Variants in MREG observed in about 807,000 individuals in gnomAD.
MREG encodes dilute suppressor protein homolog.
In MREG, 31 loss-of-function variants were observed where a neutral mutation model predicts 28.5. That is an observed-to-expected ratio of 1.09 (90% CI 0.82 to 1.47). The LOEUF is 1.47. MREG is among the 40% of genes most tolerant of loss of function. MREG has a pLI of 0.00. For missense variants in MREG, 256 were observed against 257.4 expected (o/e 0.99, Z 0.04); for synonymous variants, 106 against 95.2 (o/e 1.11, Z -0.66).
chr2:216,004,692 G>C (rs780987002), intron 1 of MREG, among the ~76,000 whole-genome samples: 24 of 152,138 alleles, frequency 1.6e-4, no homozygotes, highest in Non-Finnish European at 2.6e-4. Flanking sequence ...GTGTCTTCAA[G>C]CTCACAGACA....
At chr2:216,010,964 C>T (rs1286767250) in intron 1 of MREG, among the ~76,000 whole-genome samples, 1 of 151,656 alleles carries the variant, frequency 6.6e-6, no homozygotes, top group Non-Finnish European at 1.5e-5. Context: ...GGCGCAGTGG[C>T]CGGCACCTGT....
At chr2:215,989,295 C>A (rs1693661258) in intron 2 of MREG, among the ~76,000 whole-genome samples, 1 of 152,056 alleles carries the variant, frequency 6.6e-6, no homozygotes, top group Admixed American at 6.5e-5. Context: ...AGACCTGCAG[C>A]AGAGAGGCCT....
chr2:216,026,561 A>G (rs1450236599), intron 1 of MREG, among the ~76,000 whole-genome samples: 1 of 151,702 alleles, frequency 6.6e-6, no homozygotes, highest in East Asian at 1.9e-4. Flanking sequence ...GGGTTTCACC[A>G]TGTTGCCCAG....
intron 1 of MREG, among the ~76,000 whole-genome samples, chr2:215,999,586 T>G (rs1693958963): frequency 6.6e-6 from 1 of 152,210 alleles, no homozygotes; most frequent in Non-Finnish European, 1.5e-5. Flanking sequence ...AAAAATGGGG[T>G]TCTACTGCTA....
In MREG at chr2:215,945,620, T is replaced by G. The variant is rs942499129; in HGVS notation, c.461A>C (p.Asn154Thr). The G allele has an allele frequency of 6.2e-7, 1 of 1,613,984 alleles. No individual in the cohort carries two copies. The highest frequency in any genetic ancestry group is 1.7e-5 in the Admixed American group (1 of 60,024). Reference protein sequence around the residue: ...EMLLKLAEETNIFPTSWELSE... With the variant: ...EMLLKLAEETTIFPTSWELSE... Reference sequence around the variant, plus strand: ...GAGCTCCCAACTTGTTGGGAAAATATTGGTTTCTTCAGCCAGTTTTAACAA... The same window carrying G: ...GAGCTCCCAACTTGTTGGGAAAATAGTGGTTTCTTCAGCCAGTTTTAACAA... Residue 154 changes from asparagine to threonine, a missense_variant, in exon 4 of 5, where the codon AAT (asparagine) becomes ACT (threonine). Physicochemically the swap from Asn to Thr is moderately conservative, Grantham distance 65 (BLOSUM62 0). Coordinates refer to ENST00000263268, the MANE Select transcript of MREG (RefSeq NM_018000.3).
At chr2:215,977,258 C>A (rs1693286957) in intron 2 of MREG, among the ~76,000 whole-genome samples, 2 of 152,128 alleles carry the variant, frequency 1.3e-5, no homozygotes, top group Admixed American at 1.3e-4. Flanking sequence ...GACTTTAAAC[C>A]AACAAAGATC....
At chr2:215,949,069 CTA>C (rs1559173466) in intron 2 of MREG, among the ~76,000 whole-genome samples, 3 of 131,090 alleles carry the variant, frequency 2.3e-5, no homozygotes, top group African/African-American at 5.5e-5. Context: ...ACTACTACTA[CTA>C]CTACTACTAC....
intron 2 of MREG, among the ~76,000 whole-genome samples, chr2:215,948,077 C>A (rs987014925): frequency 1.3e-5 from 2 of 152,204 alleles, no homozygotes; most frequent in Non-Finnish European, 2.9e-5. Context: ...CAATTTAGGA[C>A]TCAAGTTATA....
intron 2 of MREG, among the ~76,000 whole-genome samples, chr2:215,996,103 G>A (rs1290468886): frequency 2.0e-5 from 3 of 152,138 alleles, no homozygotes; most frequent in Admixed American, 6.5e-5. Flanking sequence ...TTAGAAATGA[G>A]CCTTATCTCT....
intron 1 of MREG, among the ~76,000 whole-genome samples, chr2:216,004,570 A>C (rs1694103237): frequency 6.6e-6 from 1 of 151,838 alleles, no homozygotes; most frequent in Non-Finnish European, 1.5e-5. Flanking sequence ...CAAACAAAAA[A>C]AAAAAACCTG....
At chr2:216,027,307 T>C (rs1257373080) in intron 1 of MREG, among the ~76,000 whole-genome samples, 1 of 152,228 alleles carries the variant, frequency 6.6e-6, no homozygotes, top group Non-Finnish European at 1.5e-5. Context: ...AAACAGATAA[T>C]GCTGTGCCAC....
At chr2:216,006,814 G>GA (rs1181285378) in intron 1 of MREG, among the ~76,000 whole-genome samples, 1 of 152,182 alleles carries the variant, frequency 6.6e-6, no homozygotes, top group Non-Finnish European at 1.5e-5. Flanking sequence ...AGTTGGTGGT[G>GA]ATTCCCTTTT....
intron 2 of MREG, among the ~76,000 whole-genome samples, chr2:215,947,457 C>A (rs1025870113): frequency 1.3e-5 from 2 of 152,128 alleles, no homozygotes; most frequent in African/African-American, 4.8e-5. Flanking sequence ...TGATGGCATA[C>A]AGAAAGTACA....
At chr2:215,951,270 C>T (rs1297933800) in intron 2 of MREG, among the ~76,000 whole-genome samples, 4 of 152,172 alleles carry the variant, frequency 2.6e-5, no homozygotes, top group African/African-American at 9.7e-5. Context: ...TATCCAATTA[C>T]ATCTCTCCAT....
At chr2:216,005,755 A>G (rs543873066) in intron 1 of MREG, among the ~76,000 whole-genome samples, 4 of 151,032 alleles carry the variant, frequency 2.6e-5, no homozygotes, top group African/African-American at 9.7e-5. Flanking sequence ...TGCCCAGCCT[A>G]TAGTTATTCT....
At chr2:215,956,374 C>T (rs1692628686) in intron 2 of MREG, among the ~76,000 whole-genome samples, 1 of 152,184 alleles carries the variant, frequency 6.6e-6, no homozygotes, top group Admixed American at 6.5e-5. Context: ...TTCCTACCTA[C>T]CTATCTAATC....
chr2:215,942,262 T>TA (rs200835217), downstream of MREG, among the ~76,000 whole-genome samples: 1,426 of 150,784 alleles, frequency 9.5e-3, 23 homozygotes, highest in African/African-American at 0.032. Context: ...AGTAAGAATA[T>TA]AAAAAAAAAT....
chr2:216,031,487 AAGAAAG>A (rs1202355854), intron 1 of MREG, among the ~76,000 whole-genome samples: 5 of 131,086 alleles, frequency 3.8e-5, no homozygotes, highest in African/African-American at 1.2e-4. Flanking sequence ...GAAAGAAAGA[AAGAAAG>A]AGAAAGAAAG....
chr2:215,950,729 G>C (rs140051520), intron 2 of MREG, among the ~76,000 whole-genome samples: 24 of 152,292 alleles, frequency 1.6e-4, no homozygotes, highest in Admixed American at 1.6e-3. Context: ...ATAGACACTT[G>C]ATTACATAAT....
Sources: gnomAD v4.1 joint callset for allele counts (sites outside exome capture counted in the v4.1 genomes callset) on GRCh38, gnomAD v4.1.1 for gene constraint, MANE v1.5 for transcripts, NCBI Gene and HGNC (gene_info 2026-07-23, HGNC 2026-07-21) for gene names.